The following CDH13 variants were observed in gnomAD, a reference collection of about 807,000 sequenced individuals.
The protein encoded by CDH13 is cadherin 13.
In CDH13, 24 loss-of-function variants were observed where a neutral mutation model predicts 63.8. The ratio of observed to expected loss-of-function variants is 0.38; its 90% CI spans 0.27 to 0.53. The LOEUF (loss-of-function observed/expected upper bound fraction) is 0.53. CDH13 is among the 20% of genes least tolerant of loss of function. CDH13 has a pLI of 0.85. For synonymous variants in CDH13, 503 were observed against 355.3 expected (o/e 1.42, Z -4.67); for missense variants, 1,049 against 903.1 (o/e 1.16, Z -2.07).
At chr16:83,583,474 A>G (rs988963359) in intron 7 of CDH13, among the ~76,000 whole-genome samples, 1 of 152,198 alleles carries the variant, frequency 6.6e-6, no homozygotes, top group Non-Finnish European at 1.5e-5. Flanking sequence ...TGTAGTTTTA[A>G]CTGTAATAGC....
intron 1 of CDH13, among the ~76,000 whole-genome samples, chr16:82,630,980 C>G (rs1334982339): frequency 6.6e-6 from 1 of 152,208 alleles, no homozygotes; most frequent in African/African-American, 2.4e-5. Flanking sequence ...TCCATCAAAA[C>G]AAAACTATTC....
chr16:83,265,839 T>C (rs1485342284), intron 5 of CDH13, among the ~76,000 whole-genome samples: 3 of 151,740 alleles, frequency 2.0e-5, no homozygotes, highest in African/African-American at 4.8e-5. Context: ...AAAGGCTCTT[T>C]AGGAGTTTTG....
At chr16:82,970,425 C>T (rs1278838266) in intron 2 of CDH13, among the ~76,000 whole-genome samples, 2 of 96,050 alleles carry the variant, frequency 2.1e-5, no homozygotes, top group South Asian at 3.0e-4. Context: ...CGGAGTCTCG[C>T]TCTGTCGCCC....
intron 8 of CDH13, among the ~76,000 whole-genome samples, chr16:83,603,225 A>C (rs1375278253): frequency 6.6e-6 from 1 of 152,258 alleles, no homozygotes; most frequent in Admixed American, 6.5e-5. Flanking sequence ...ATTTGCACTA[A>C]GCACATTCTG....
At chr16:83,427,833 C>T (rs1436446310) in intron 6 of CDH13, among the ~76,000 whole-genome samples, 1 of 152,166 alleles carries the variant, frequency 6.6e-6, no homozygotes, top group African/African-American at 2.4e-5. Flanking sequence ...GCTTCTGTTC[C>T]CCTAATAGTA....
chr16:83,261,425 G>C (rs927876755), intron 5 of CDH13, among the ~76,000 whole-genome samples: 2 of 152,126 alleles, frequency 1.3e-5, no homozygotes, highest in African/African-American at 2.4e-5. Flanking sequence ...GGGGTTGGGG[G>C]TGCTCCTGGC....
At chr16:82,756,287 G>A (rs759471250) in intron 1 of CDH13, among the ~76,000 whole-genome samples, 7 of 152,128 alleles carry the variant, frequency 4.6e-5, no homozygotes, top group Non-Finnish European at 8.8e-5. Flanking sequence ...CTCCCAAGAA[G>A]GCCAAGTGAA....
Position 83,436,481 on chromosome 16 carries a change from A to C in CDH13, c.782-49996A>C, listed in dbSNP as rs544673353. ...TGAGACCCTGAATCTAATTAAAAAA[A>C]AAAAATTATACAATGAATAATGACC... On this transcript the variant is annotated intron_variant, in intron 6 of 13. Coordinates refer to ENST00000567109, the MANE Select transcript of CDH13 (RefSeq NM_001257.5). Among the ~76,000 whole-genome samples the C allele has an allele frequency of 3.9e-5, 6 of 152,216 alleles. No individual in the cohort carries two copies. In the South Asian group the frequency reaches 1.2e-3, roughly 32 times the overall value.
intron 4 of CDH13, among the ~76,000 whole-genome samples, chr16:83,126,724 G>A (rs1234654089): frequency 6.6e-6 from 1 of 152,168 alleles, no homozygotes; most frequent in Non-Finnish European, 1.5e-5. Flanking sequence ...CCTGGAATTC[G>A]AAAAATGGTG....
At chr16:83,691,124 G>C (rs927162073) in intron 10 of CDH13, among the ~76,000 whole-genome samples, 1 of 151,494 alleles carries the variant, frequency 6.6e-6, no homozygotes, top group East Asian at 1.9e-4. Flanking sequence ...GTGTGTCAGA[G>C]AGAGAGAGAG....
At chr16:83,341,989 C>CCCCACA (rs767233245) in intron 5 of CDH13, among the ~76,000 whole-genome samples, 13 of 138,072 alleles carry the variant, frequency 9.4e-5, no homozygotes, top group Non-Finnish European at 1.9e-4. Context: ...GTGTCCCCTG[C>CCCCACA]CACACACACA....
chr16:82,880,786 A>G (rs1195096899), intron 2 of CDH13, among the ~76,000 whole-genome samples: 1 of 152,212 alleles, frequency 6.6e-6, no homozygotes, highest in Non-Finnish European at 1.5e-5. Context: ...GGTCAACTCT[A>G]GTTTTATGAT....
intron 2 of CDH13, among the ~76,000 whole-genome samples, chr16:82,951,380 G>A (rs1229393688): frequency 2.0e-5 from 3 of 152,140 alleles, no homozygotes; most frequent in African/African-American, 7.2e-5. Flanking sequence ...CTGAGCTGGA[G>A]GTATAGATAC....
At chr16:83,597,772 T>TATTTTGC (rs1907410852) in intron 7 of CDH13, among the ~76,000 whole-genome samples, 1 of 152,244 alleles carries the variant, frequency 6.6e-6, no homozygotes, top group African/African-American at 2.4e-5. Context: ...TGCAAAGTTT[T>TATTTTGC]ATTTACTTCA....
chr16:83,603,378 G>A (rs1262591328), intron 8 of CDH13, among the ~76,000 whole-genome samples: 1 of 152,178 alleles, frequency 6.6e-6, no homozygotes, highest in Non-Finnish European at 1.5e-5. Context: ...ATCTACCATG[G>A]TGTCTCCCCC....
chr16:83,363,654 A>T (rs895083836), intron 6 of CDH13, among the ~76,000 whole-genome samples: 40 of 152,188 alleles, frequency 2.6e-4, no homozygotes, highest in Admixed American at 1.3e-4. Context: ...GTGAATAGGC[A>T]TGTCAGTTTC....
chr16:82,921,106 G>A (rs956041041), intron 2 of CDH13, among the ~76,000 whole-genome samples: 5 of 152,160 alleles, frequency 3.3e-5, no homozygotes, highest in African/African-American at 1.2e-4. Flanking sequence ...TCCTTGAGGT[G>A]TACAATCCTT....
At chr16:82,941,047 T>C (rs1567679780) in intron 2 of CDH13, among the ~76,000 whole-genome samples, 2 of 152,126 alleles carry the variant, frequency 1.3e-5, no homozygotes, top group Admixed American at 6.6e-5. Context: ...GGGGAACTTC[T>C]GGCAAACGAT....
At chr16:83,304,689 G>A (rs144607493) in intron 5 of CDH13, among the ~76,000 whole-genome samples, 2 of 152,260 alleles carry the variant, frequency 1.3e-5, no homozygotes, top group East Asian at 1.9e-4. Context: ...TGTGTTGTAC[G>A]AGAGAGTGTG....
Sources: gnomAD v4.1 joint callset for allele counts (sites outside exome capture counted in the v4.1 genomes callset) on GRCh38, gnomAD v4.1.1 for gene constraint, MANE v1.5 for transcripts, NCBI Gene and HGNC (gene_info 2026-07-23, HGNC 2026-07-21) for gene names.